Variants in MIB1 observed in about 807,000 individuals in gnomAD.
MIB1 encodes the protein MIB E3 ubiquitin protein ligase 1, also known as E3 ubiquitin-protein ligase MIB1.
Under a neutral mutation model 124.5 loss-of-function variants are expected in MIB1, and 278 were observed. The observed-to-expected ratio is 2.23, with a 90% confidence interval of 2.02 to 2.47. The LOEUF is 2.47. MIB1 is among the 30% of genes most tolerant of loss of function. MIB1 has a pLI of 0.00. For synonymous variants in MIB1, 446 were observed against 429.4 expected, an observed-to-expected ratio of 1.04 and a Z score of -0.48; for missense variants, 957 against 1,254.4, an observed-to-expected ratio of 0.76 and a Z score of 3.58.
At chr18:21,771,401 A>G (rs1032363725) in intron 3 of MIB1, among the ~76,000 whole-genome samples, 2 of 152,246 alleles carry the variant, frequency 1.3e-5, no homozygotes, top group African/African-American at 4.8e-5. Flanking sequence ...TATAAAATAC[A>G]GACTTAATAT....
At chr18:21,857,476 T>C (rs1258423053) in intron 19 of MIB1, among the ~76,000 whole-genome samples, 1 of 152,246 alleles carries the variant, frequency 6.6e-6, no homozygotes, top group Non-Finnish European at 1.5e-5. Flanking sequence ...AACCTGCATG[T>C]ATGCTATAAA....
At chr18:21,745,243 T>TA (rs1015443158) in intron 1 of MIB1, among the ~76,000 whole-genome samples, 2 of 152,250 alleles carry the variant, frequency 1.3e-5, no homozygotes, top group Non-Finnish European at 2.9e-5. Flanking sequence ...TACGGTCTGT[T>TA]AAAGTGCGGA....
intron 12 of MIB1, among the ~76,000 whole-genome samples, chr18:21,829,957 A>G (rs1389606108): frequency 6.6e-6 from 1 of 152,110 alleles, no homozygotes; most frequent in Admixed American, 6.6e-5. Context: ...GAATGAAAAG[A>G]AATTATAGTT....
intron 1 of MIB1, among the ~76,000 whole-genome samples, chr18:21,706,839 C>T (rs1414396888): frequency 6.6e-6 from 1 of 152,214 alleles, no homozygotes; most frequent in Non-Finnish European, 1.5e-5. Context: ...AAGCCTCCCC[C>T]ACGAGCGCTG....
intron 1 of MIB1, among the ~76,000 whole-genome samples, chr18:21,719,832 A>T (rs1292942518): frequency 6.6e-6 from 1 of 152,102 alleles, no homozygotes; most frequent in Non-Finnish European, 1.5e-5. Context: ...AGAAGCACTG[A>T]CTTAAAATTT....
At chr18:21,808,322 A>G (rs937263395) in intron 10 of MIB1, among the ~76,000 whole-genome samples, 1 of 152,174 alleles carries the variant, frequency 6.6e-6, no homozygotes, top group African/African-American at 2.4e-5. Flanking sequence ...CTCCATCTGT[A>G]TTGTAAAGTA....
intron 1 of MIB1, among the ~76,000 whole-genome samples, chr18:21,714,036 A>T (rs531503632): frequency 6.6e-6 from 1 of 152,212 alleles, no homozygotes; most frequent in Non-Finnish European, 1.5e-5. Flanking sequence ...TGCCCAGTGT[A>T]ACAAGATGTT....
At chr18:21,857,609 A>T (rs1477929876) in intron 19 of MIB1, among the ~76,000 whole-genome samples, 1 of 152,270 alleles carries the variant, frequency 6.6e-6, no homozygotes, top group Admixed American at 6.5e-5. Flanking sequence ...TGAAAGTATT[A>T]ACCTGCTTCC....
intron 1 of MIB1, among the ~76,000 whole-genome samples, chr18:21,749,519 A>G (rs1006483046): frequency 6.6e-6 from 1 of 152,200 alleles, no homozygotes; most frequent in Non-Finnish European, 1.5e-5. Flanking sequence ...TCTGTTATAA[A>G]TGACATGGCT....
At chr18:21,818,766 C>T (rs1284757524) in intron 11 of MIB1, among the ~76,000 whole-genome samples, 2 of 152,138 alleles carry the variant, frequency 1.3e-5, no homozygotes, top group Non-Finnish European at 2.9e-5. Context: ...GAAACCCCGT[C>T]TCTACTAAAA....
chr18:21,852,952 G>A (rs546386431), intron 17 of MIB1, among the ~76,000 whole-genome samples, 188 bp from the exon 18 acceptor site: 80 of 152,270 alleles, frequency 5.3e-4, no homozygotes, highest in African/African-American at 1.8e-3. Context: ...TGCCTGTTAA[G>A]CTAGGGTATA....
chr18:21,818,071 A>G (rs774150677), intron 11 of MIB1, among the ~76,000 whole-genome samples: 31 of 152,232 alleles, frequency 2.0e-4, no homozygotes, highest in African/African-American at 6.0e-4. Context: ...TGAGATTGCT[A>G]AATTTTAATT....
upstream of MIB1, among the ~76,000 whole-genome samples, chr18:21,739,801 G>C (rs1250237160): frequency 6.6e-6 from 1 of 151,972 alleles, no homozygotes. Context: ...TGAGGTCCCA[G>C]CTACTCAGAA....
chr18:21,852,423 A>G (rs2042188001), intron 17 of MIB1, among the ~76,000 whole-genome samples: 1 of 152,178 alleles, frequency 6.6e-6, no homozygotes, highest in South Asian at 2.1e-4. Flanking sequence ...AGAAGGGAGA[A>G]TAGGTGAAAG....
intron 1 of MIB1, among the ~76,000 whole-genome samples, chr18:21,753,223 T>C (rs1471510929): frequency 6.6e-6 from 1 of 152,202 alleles, no homozygotes; most frequent in African/African-American, 2.4e-5. Flanking sequence ...AGTTTTGCTC[T>C]TGTTGCCCAG....
intron 17 of MIB1, among the ~76,000 whole-genome samples, chr18:21,852,463 G>A (rs2042188514): frequency 6.6e-6 from 1 of 152,174 alleles, no homozygotes. Context: ...CTATGGGGTA[G>A]GGATACAGGA....
chr18:21,814,861 A>C (rs1014754107), intron 10 of MIB1, among the ~76,000 whole-genome samples: 1 of 151,040 alleles, frequency 6.6e-6, no homozygotes, highest in African/African-American at 2.4e-5. Context: ...GGTGTGAGCC[A>C]CTGCGCCTGG....
intron 1 of MIB1, among the ~76,000 whole-genome samples, chr18:21,751,278 T>A (rs2040972171): frequency 6.6e-6 from 1 of 152,094 alleles, no homozygotes; most frequent in African/African-American, 2.4e-5. Flanking sequence ...ATTATTATTA[T>A]TTTATTTATT....
intron 7 of MIB1, among the ~76,000 whole-genome samples, chr18:21,793,524 G>A (rs1179359160): frequency 6.6e-6 from 1 of 152,090 alleles, no homozygotes; most frequent in East Asian, 1.9e-4. Flanking sequence ...GCTCATGTCT[G>A]TAATCCCAGT....
Sources: gnomAD v4.1 joint callset for allele counts (sites outside exome capture counted in the v4.1 genomes callset) on GRCh38, gnomAD v4.1.1 for gene constraint, MANE v1.5 for transcripts, NCBI Gene and HGNC (gene_info 2026-07-23, HGNC 2026-07-21) for gene names.